Variants in MACROD2 observed in about 807,000 individuals in gnomAD.
The protein encoded by MACROD2 is ADP-ribose glycohydrolase MACROD2.
A neutral mutation model predicts 70.4 loss-of-function variants in MACROD2; 36 were observed. That is an observed-to-expected ratio of 0.51 (90% CI 0.39 to 0.68). The LOEUF (loss-of-function observed/expected upper bound fraction) is 0.68, where lower values mean the gene tolerates loss of function less well. MACROD2 is among the 30% of genes least tolerant of loss of function. The pLI is 0.00. For synonymous variants in MACROD2, 172 were observed against 178.8 expected (o/e 0.96, Z 0.30); for missense variants, 496 against 538.4 (o/e 0.92, Z 0.78).
At chr20:14,285,604 A>G (rs1030931567) in intron 3 of MACROD2, among the ~76,000 whole-genome samples, 6 of 152,150 alleles carry the variant, frequency 3.9e-5, no homozygotes, top group African/African-American at 1.2e-4. Context: ...AACAATAAAA[A>G]AAACTAAACT....
intron 8 of MACROD2, among the ~76,000 whole-genome samples, chr20:15,743,046 A>T (rs566085781): frequency 3.0e-4 from 46 of 152,268 alleles, no homozygotes; most frequent in African/African-American, 1.1e-3. Context: ...TTAACATTTC[A>T]TATTCAAAGT....
chr20:14,991,664 A>G (rs1050855634), intron 5 of MACROD2, among the ~76,000 whole-genome samples: 1 of 152,130 alleles, frequency 6.6e-6, no homozygotes, highest in African/African-American at 2.4e-5. Context: ...TTTGAGGGAG[A>G]CTACAGATCA....
chr20:15,605,372 G>T (rs949960685), intron 8 of MACROD2, among the ~76,000 whole-genome samples: 3 of 151,534 alleles, frequency 2.0e-5, no homozygotes, highest in Non-Finnish European at 2.9e-5. Context: ...GATGCAAAAT[G>T]AAAAGAGGGT....
intron 8 of MACROD2, among the ~76,000 whole-genome samples, chr20:15,664,476 G>A (rs540063940): frequency 5.3e-5 from 8 of 152,242 alleles, no homozygotes; most frequent in South Asian, 2.1e-4. Flanking sequence ...CTATTTTTGC[G>A]TAACACCCCC....
At chr20:15,829,422 A>G (rs2147114377) in intron 8 of MACROD2, among the ~76,000 whole-genome samples, 1 of 152,298 alleles carries the variant, frequency 6.6e-6, no homozygotes, top group East Asian at 1.9e-4. Context: ...CATGGAAAAC[A>G]TGGATCTAAA....
intron 5 of MACROD2, among the ~76,000 whole-genome samples, chr20:15,040,318 A>T (rs74540308): frequency 5.0e-5 from 2 of 39,824 alleles, no homozygotes; most frequent in African/African-American, 2.4e-4. Context: ...CCGTCTCAGG[A>T]AAAAAAAAAA....
intron 5 of MACROD2, among the ~76,000 whole-genome samples, chr20:14,941,365 G>A (rs2122707892): frequency 6.6e-6 from 1 of 152,092 alleles, no homozygotes; most frequent in Middle Eastern, 3.4e-3. Flanking sequence ...CTTCCTCCAG[G>A]CACTACTGAT....
chr20:15,613,705 C>A (rs1359798540), intron 8 of MACROD2, among the ~76,000 whole-genome samples: 1 of 152,210 alleles, frequency 6.6e-6, no homozygotes, highest in African/African-American at 2.4e-5. Context: ...GGATTCGAAT[C>A]CAGTCTTTTT....
chr20:15,682,220 G>C (rs1383036741), intron 8 of MACROD2, among the ~76,000 whole-genome samples: 3 of 152,210 alleles, frequency 2.0e-5, no homozygotes, highest in Non-Finnish European at 4.4e-5. Flanking sequence ...ACAATAAAGA[G>C]AAACGTAAAA....
chr20:15,182,424 A>C (rs1384579222), intron 5 of MACROD2, among the ~76,000 whole-genome samples: 1 of 152,306 alleles, frequency 6.6e-6, no homozygotes, highest in African/African-American at 2.4e-5. Context: ...AATGTGGGCC[A>C]GGAAACCAGC....
At chr20:14,280,492 A>G (rs1026642641) in intron 3 of MACROD2, among the ~76,000 whole-genome samples, 4 of 152,186 alleles carry the variant, frequency 2.6e-5, no homozygotes, top group Non-Finnish European at 5.9e-5. Context: ...AATGCCACCT[A>G]GAAGAACTTT....
intron 5 of MACROD2, among the ~76,000 whole-genome samples, chr20:14,725,230 C>T (rs1023336969): frequency 6.6e-6 from 1 of 152,110 alleles, no homozygotes. Context: ...TTGTTAACAG[C>T]TACTTCAGGG....
At chr20:15,390,369 A>AT (rs796719766) in intron 6 of MACROD2, among the ~76,000 whole-genome samples, 25 of 150,704 alleles carry the variant, frequency 1.7e-4, no homozygotes, top group South Asian at 8.4e-4. Context: ...CACCAGTTTC[A>AT]TTTTTTTTTC....
intron 6 of MACROD2, among the ~76,000 whole-genome samples, chr20:15,406,205 C>T (rs2045998504): frequency 6.6e-6 from 1 of 152,200 alleles, no homozygotes; most frequent in African/African-American, 2.4e-5. Context: ...ATTTGAATCA[C>T]CTGCAATGCA....
At chr20:14,996,610 G>A (rs1052691833) in intron 5 of MACROD2, among the ~76,000 whole-genome samples, 3 of 152,200 alleles carry the variant, frequency 2.0e-5, no homozygotes, top group African/African-American at 7.2e-5. Context: ...GAAAAGGGTA[G>A]GAAAGACAGC....
intron 6 of MACROD2, among the ~76,000 whole-genome samples, chr20:15,298,530 AC>A (rs1264594417): frequency 3.3e-5 from 5 of 152,196 alleles, no homozygotes; most frequent in Non-Finnish European, 7.3e-5. Flanking sequence ...ACACCAAACA[AC>A]CTCCAAGGGT....
chr20:14,580,072 G>T (rs144434634), intron 4 of MACROD2, among the ~76,000 whole-genome samples: 19 of 152,280 alleles, frequency 1.2e-4, no homozygotes, highest in African/African-American at 4.6e-4. Flanking sequence ...TTGATGCTAA[G>T]TAGAATTTTT....
intron 5 of MACROD2, among the ~76,000 whole-genome samples, chr20:15,035,508 G>A (rs923515904): frequency 6.6e-6 from 1 of 152,168 alleles, no homozygotes; most frequent in African/African-American, 2.4e-5. Flanking sequence ...TTCTTTAAGT[G>A]AAATTTGATC....
At chr20:14,697,370 T>C (rs1464732424) in intron 5 of MACROD2, among the ~76,000 whole-genome samples, 2 of 152,160 alleles carry the variant, frequency 1.3e-5, no homozygotes, top group East Asian at 3.8e-4. Flanking sequence ...CATAGAATAT[T>C]CCATAGTTAG....
Sources: allele counts gnomAD v4.1 joint callset (sites outside exome capture counted in the v4.1 genomes callset), GRCh38; gene constraint gnomAD v4.1.1; transcripts MANE v1.5; gene names NCBI Gene and HGNC (gene_info 2026-07-23, HGNC 2026-07-21).